GABRR1: variants seen among roughly 807,000 people sequenced by gnomAD.
GABRR1 encodes gamma-aminobutyric acid receptor subunit rho-1.
GABRR1 carries 59 observed loss-of-function variants against 55.5 expected under a neutral mutation model. The observed-to-expected ratio is 1.06, with a 90% CI of 0.86 to 1.32. The LOEUF is 1.32. GABRR1 is among the 40% of genes most tolerant of loss of function. The pLI is 0.00. For synonymous variants in GABRR1, 213 were observed against 226.0 expected, an observed-to-expected ratio of 0.94 and a Z score of 0.51; for missense variants, 602 against 619.1, an observed-to-expected ratio of 0.97 and a Z score of 0.29.
chr6:89,182,836 A>G (rs756780637), intron 7 of GABRR1, among the ~76,000 whole-genome samples: 3 of 152,040 alleles, frequency 2.0e-5, no homozygotes, highest in Non-Finnish European at 4.4e-5. Context: ...ATGATCGCCC[A>G]CTGCACTCCA....
At chr6:89,221,626 A>T (rs145141273), upstream of GABRR1, among the ~76,000 whole-genome samples, 1 of 152,188 alleles carries the variant, frequency 6.6e-6, no homozygotes, top group Non-Finnish European at 1.5e-5. Flanking sequence ...TTAAGCATCC[A>T]TGGATTTTGG....
intron 1 of GABRR1, chr6:89,212,034 A>AAGCTCCTCTTCACCTT (rs1338703303): frequency 6.0e-6 from 2 of 333,348 alleles, no homozygotes; most frequent in Non-Finnish European, 4.0e-6. Flanking sequence ...CTTCCTGCTG[A>AAGCTCCTCTTCACCTT]CTGGACAGCT....
chr6:89,185,431 G>T lies in GABRR1; in HGVS notation c.675C>A (p.Asp225Glu), dbSNP rs1771873951. 8 of 1,613,406 alleles carry T rather than the reference G, an allele frequency of 5.0e-6. No homozygotes were observed. Among genetic ancestry groups the T allele is most frequent in the Non-Finnish European group, 6.8e-6 (8 of 1,179,454 alleles). ...TGCCCTTTTTCCAGTACAGCATGAG[G>T]TCATCTTCTGTATAGGCATCTGAAA... is the stretch of plus-strand genomic sequence containing the variant. ...EIESYAYTEDDLMLYWKKGND... is the reference protein window; with the variant it reads ...EIESYAYTEDELMLYWKKGND... Residue 225 changes from aspartate (D) to glutamate (E), a missense_variant, in exon 7 of 10, where the codon GAC (aspartate) becomes GAA (glutamate). Physicochemically the swap from Asp to Glu is conservative, Grantham distance 45. Around this residue, in one of 3 missense-constraint regions of GABRR1, gnomAD observed 435 missense variants for 424.2 expected, o/e 1.03. Transcript: ENST00000454853.
At chr6:89,191,458 C>A (rs1772084717) in intron 5 of GABRR1, among the ~76,000 whole-genome samples, 1 of 152,146 alleles carries the variant, frequency 6.6e-6, no homozygotes, top group South Asian at 2.1e-4. Flanking sequence ...ATAGAATGCC[C>A]AATGAAGGAA....
intron 5 of GABRR1, among the ~76,000 whole-genome samples, chr6:89,192,605 C>T (rs1478940404): frequency 1.3e-5 from 2 of 150,120 alleles, no homozygotes; most frequent in Non-Finnish European, 3.0e-5. Flanking sequence ...CTCTGTCGCC[C>T]AGGCTGGAGT....
At chr6:89,189,492 C>T (rs1185821084) in intron 6 of GABRR1, among the ~76,000 whole-genome samples, 1 of 117,872 alleles carries the variant, frequency 8.5e-6, no homozygotes, top group Non-Finnish European at 1.7e-5. Flanking sequence ...AGGGGAATAT[C>T]ACACTCTGGG....
chr6:89,204,580 T>C, intron 1 of GABRR1: 1 of 1,225,460 alleles, frequency 8.2e-7, no homozygotes, highest in Non-Finnish European at 1.0e-6. Flanking sequence ...GGAAAAAAGC[T>C]TGGCCCAGCT....
upstream of GABRR1, among the ~76,000 whole-genome samples, chr6:89,220,560 C>G (rs1344908690): frequency 6.6e-6 from 1 of 152,124 alleles, no homozygotes; most frequent in Non-Finnish European, 1.5e-5. Flanking sequence ...CCACTAACAC[C>G]ACGTGGCTCT....
chr6:89,212,029 T>A, intron 1 of GABRR1: 1 of 315,332 alleles, frequency 3.2e-6, no homozygotes, highest in Non-Finnish European at 4.3e-6. Flanking sequence ...TATCCCTTCC[T>A]GCTGACTGGA....
intron 5 of GABRR1, among the ~76,000 whole-genome samples, chr6:89,192,039 C>T (rs925234798): frequency 3.3e-4 from 47 of 140,338 alleles, no homozygotes; most frequent in Admixed American, 2.0e-3. Flanking sequence ...GAGACTCCAT[C>T]GAAAAAAAAA....
intron 1 of GABRR1, chr6:89,205,548 A>G (rs1208728749): frequency 6.6e-6 from 1 of 152,192 alleles, no homozygotes; most frequent in Non-Finnish European, 1.5e-5. Flanking sequence ...TCCAACCTAC[A>G]AGACTTCTTC....
intron 1 of GABRR1, among the ~76,000 whole-genome samples, chr6:89,224,773 T>A (rs1176237872): frequency 7.0e-6 from 1 of 143,386 alleles, no homozygotes; most frequent in East Asian, 1.9e-4. Flanking sequence ...TTTTCTGATG[T>A]TTTCTTCTAG....
chr6:89,224,674 A>G (rs538711122), intron 1 of GABRR1, among the ~76,000 whole-genome samples: 1 of 152,130 alleles, frequency 6.6e-6, no homozygotes. Context: ...TCTTTAGTTT[A>G]AGTCCCACCT....
rs7766506 is a variant in GABRR1 at position 89,195,967 on chromosome 6, G to A, written c.572+2053C>T. ...ACTTAAGGCAGATTAAGCCTAAAAG[G>A]GTGTTATGCCTATTATCATTACATT... On this transcript the variant is annotated intron_variant, in intron 5 of 9. Transcript: ENST00000454853. Among the ~76,000 whole-genome samples, 1,198 of 152,150 alleles carry A rather than the reference G, an allele frequency of 7.9e-3. 15 individuals carry two copies. Among genetic ancestry groups the A allele is most frequent in the African/African-American group, 0.025 (1,042 of 41,492 alleles).
At chr6:89,190,088 G>T in intron 6 of GABRR1, 77 bp downstream of exon 6, 1 of 995,148 alleles carries the variant, frequency 1.0e-6, no homozygotes, top group Non-Finnish European at 1.5e-6. Context: ...AACACACACT[G>T]TTCCTGCAGC....
chr6:89,200,625 TATTGAC>T (rs1351092339), intron 3 of GABRR1, among the ~76,000 whole-genome samples: 1 of 152,026 alleles, frequency 6.6e-6, no homozygotes, highest in Non-Finnish European at 1.5e-5. Context: ...GGTGAAAAAT[TATTGAC>T]ATTAAGAAGG....
chr6:89,179,200 GT>G, intron 9 of GABRR1, 137 bp from the exon 10 acceptor site: 1 of 908,130 alleles, frequency 1.1e-6, no homozygotes, highest in East Asian at 2.7e-5. Context: ...ATCCTGTTTT[GT>G]TTTGTTTTTG....
intron 6 of GABRR1, among the ~76,000 whole-genome samples, chr6:89,188,167 A>G (rs1771971116): frequency 2.0e-5 from 3 of 152,038 alleles, no homozygotes; most frequent in Admixed American, 6.6e-5. Context: ...GGGACCACAG[A>G]TGCCAGCCAC....
At chr6:89,198,711 A>G (rs1455189260) in intron 4 of GABRR1, among the ~76,000 whole-genome samples, 1 of 152,142 alleles carries the variant, frequency 6.6e-6, no homozygotes, top group Admixed American at 6.5e-5. Context: ...CTGTGGTTCT[A>G]TAACTGAGTT....
Sources: gnomAD v4.1 joint callset for allele counts (sites outside exome capture counted in the v4.1 genomes callset) on GRCh38, gnomAD v4.1.1 for gene constraint, gnomAD v4.1.1 regional missense constraint, MANE v1.5 for transcripts, NCBI Gene and HGNC (gene_info 2026-07-23, HGNC 2026-07-21) for gene names.